Variants in RBFOX1 observed in about 807,000 individuals in gnomAD.
RBFOX1 encodes the protein RNA binding fox-1 homolog 1.
A neutral mutation model predicts 57.7 loss-of-function variants in RBFOX1; 8 were observed. The ratio of observed to expected loss-of-function variants is 0.14; its 90% CI spans 0.08 to 0.25. RBFOX1 has a LOEUF of 0.25. Among genes scored for constraint, RBFOX1 ranks in the 10% least tolerant of loss-of-function variants. The probability of loss-of-function intolerance (pLI) is 1.00; values close to 1 mark genes in which losing one functional copy is unlikely to be tolerated. For missense variants in RBFOX1, 611 were observed against 548.5 expected (o/e 1.11, Z -1.14); for synonymous variants, 326 against 222.4 (o/e 1.47, Z -4.15).
intron 3 of RBFOX1, among the ~76,000 whole-genome samples, chr16:6,661,969 C>T (rs2098704191): frequency 1.3e-5 from 2 of 152,202 alleles, no homozygotes; most frequent in South Asian, 4.2e-4. Flanking sequence ...AAGGGAAATC[C>T]TGCCATGTGC....
At chr16:6,656,666 A>G (rs1166841182) in intron 3 of RBFOX1, among the ~76,000 whole-genome samples, 2 of 152,014 alleles carry the variant, frequency 1.3e-5, no homozygotes, top group Non-Finnish European at 2.9e-5. Flanking sequence ...GATTGAGTCA[A>G]TAATGTCAAA....
chr16:5,962,990 T>C (rs549604363), intron 4 of RBFOX1, among the ~76,000 whole-genome samples: 1 of 152,172 alleles, frequency 6.6e-6, no homozygotes, highest in Admixed American at 6.5e-5. Flanking sequence ...GTCTTGAATT[T>C]AGAAAGTGTT....
chr16:7,382,725 C>T (rs909888738), intron 4 of RBFOX1, among the ~76,000 whole-genome samples: 10 of 152,186 alleles, frequency 6.6e-5, no homozygotes, highest in Non-Finnish European at 1.0e-4. Flanking sequence ...ATACACATCC[C>T]GCTATTTGTA....
At chr16:7,028,165 C>G (rs1426803929) in intron 3 of RBFOX1, among the ~76,000 whole-genome samples, 1 of 152,108 alleles carries the variant, frequency 6.6e-6, no homozygotes, top group Admixed American at 6.5e-5. Context: ...TAATAATTGG[C>G]TTACAGATTT....
chr16:6,922,556 G>C (rs1367897437), intron 3 of RBFOX1, among the ~76,000 whole-genome samples: 1 of 152,098 alleles, frequency 6.6e-6, no homozygotes, highest in African/African-American at 2.4e-5. Flanking sequence ...TTCATTTCCA[G>C]GAGACAGTTG....
At position 7,710,898 on chromosome 16, in the gene RBFOX1, T is replaced by TA. The variant is rs2083912354; in HGVS notation, c.*154dup. 4.9e-6 allele frequency: 4 copies of TA among 813,782 alleles called. No homozygotes were observed. The South Asian group carries it at 1.2e-4, about 24-fold the overall frequency. 50.4% of individuals were successfully genotyped at this position (813,782 alleles called of 1,614,324 possible). A position where few individuals can be genotyped will look rare whatever the true frequency, so the allele number is the denominator to read the frequency against. On this transcript the variant is annotated 3_prime_UTR_variant, in exon 16 of 16. Coordinates refer to ENST00000550418, the MANE Select transcript of RBFOX1 (RefSeq NM_018723.4). ...AAAAAAAATTACATTTTTTATCTTATACCTCAGATATTTTGTTCTGTGTAT... is the reference window on the plus strand; with the variant it reads ...AAAAAAAATTACATTTTTTATCTTATAACCTCAGATATTTTGTTCTGTGTAT...
intron 3 of RBFOX1, among the ~76,000 whole-genome samples, chr16:5,753,039 A>C (rs1016133565): frequency 1.3e-5 from 2 of 152,026 alleles, no homozygotes; most frequent in South Asian, 2.1e-4. Context: ...CTACACTTGT[A>C]GTCCCAGCTG....
At chr16:6,221,068 G>C (rs1226715437) in intron 1 of RBFOX1, among the ~76,000 whole-genome samples, 1 of 151,928 alleles carries the variant, frequency 6.6e-6, no homozygotes, top group African/African-American at 2.4e-5. Context: ...GCCCCAACGG[G>C]TAACTTTTTC....
At chr16:6,590,432 G>A (rs1222870976) in intron 2 of RBFOX1, among the ~76,000 whole-genome samples, 2 of 152,112 alleles carry the variant, frequency 1.3e-5, no homozygotes, top group Admixed American at 1.3e-4. Flanking sequence ...TGTGTAGGTG[G>A]TATAGAATTC....
intron 2 of RBFOX1, among the ~76,000 whole-genome samples, chr16:6,477,160 C>G (rs1036982739): frequency 1.3e-5 from 2 of 152,198 alleles, no homozygotes; most frequent in African/African-American, 4.8e-5. Context: ...ATTCCAAACT[C>G]CTGTTAATGT....
intron 3 of RBFOX1, among the ~76,000 whole-genome samples, chr16:5,607,201 C>T (rs2047615328): frequency 1.3e-5 from 2 of 152,156 alleles, no homozygotes; most frequent in African/African-American, 4.8e-5. Context: ...GTCTGCTCGG[C>T]AGAAAACCAA....
chr16:7,601,048 A>G (rs1172043525), intron 9 of RBFOX1, among the ~76,000 whole-genome samples: 3 of 152,190 alleles, frequency 2.0e-5, no homozygotes, highest in Non-Finnish European at 4.4e-5. Flanking sequence ...TACAAGATTG[A>G]GAGCTGAATT....
chr16:7,079,710 G>A (rs2058861251), intron 4 of RBFOX1, among the ~76,000 whole-genome samples: 1 of 152,080 alleles, frequency 6.6e-6, no homozygotes, highest in African/African-American at 2.4e-5. Flanking sequence ...GCTTTTGAGG[G>A]TGCTTGAGAT....
intron 4 of RBFOX1, among the ~76,000 whole-genome samples, chr16:7,072,400 T>C (rs1167897713): frequency 6.6e-6 from 1 of 152,108 alleles, no homozygotes; most frequent in Admixed American, 6.5e-5. Flanking sequence ...TTTCTCGTTC[T>C]CCTGTCTTCT....
chr16:5,400,106 T>C (rs113646341), intron 1 of RBFOX1, among the ~76,000 whole-genome samples: 11,975 of 151,868 alleles, frequency 0.079, 714 homozygotes, highest in African/African-American at 0.16. Flanking sequence ...TTTCTTTCTT[T>C]CTTTTTTTTT....
intron 3 of RBFOX1, among the ~76,000 whole-genome samples, chr16:5,793,109 CG>C (rs1234903751): frequency 6.6e-6 from 1 of 152,038 alleles, no homozygotes; most frequent in Non-Finnish European, 1.5e-5. Context: ...GTCCAGGTGT[CG>C]GTAGGGAACC....
intron 1 of RBFOX1, among the ~76,000 whole-genome samples, chr16:6,137,738 C>T (rs1009751139): frequency 6.7e-6 from 1 of 150,046 alleles, no homozygotes; most frequent in Non-Finnish European, 1.5e-5. Flanking sequence ...CTCAGCCTCT[C>T]AAGTAGTTGG....
At chr16:7,559,191 T>G (rs1227068045) in intron 5 of RBFOX1, among the ~76,000 whole-genome samples, 2 of 152,176 alleles carry the variant, frequency 1.3e-5, no homozygotes, top group Non-Finnish European at 2.9e-5. Flanking sequence ...AATCTCAAAT[T>G]CAATATAAAA....
intron 4 of RBFOX1, among the ~76,000 whole-genome samples, chr16:7,443,092 C>G (rs1346055410): frequency 6.6e-6 from 1 of 152,218 alleles, no homozygotes. Flanking sequence ...TGCACGAGAA[C>G]ACTCTTACCA....
Sources: gnomAD v4.1 joint callset for allele counts (sites outside exome capture counted in the v4.1 genomes callset) on GRCh38, gnomAD v4.1.1 for gene constraint, MANE v1.5 for transcripts, NCBI Gene and HGNC (gene_info 2026-07-23, HGNC 2026-07-21) for gene names.